Variants in RBFOX2 observed in about 807,000 individuals in gnomAD.
RBFOX2 encodes RNA binding protein fox-1 homolog 2.
Under a neutral mutation model 49.1 loss-of-function variants are expected in RBFOX2, and 10 were observed. That is an observed-to-expected ratio of 0.20 (90% confidence interval 0.13 to 0.35). The LOEUF (loss-of-function observed/expected upper bound fraction) is 0.35, where lower values mean the gene tolerates loss of function less well. RBFOX2 is among the 10% of genes least tolerant of loss of function. RBFOX2 has a pLI of 1.00. For synonymous variants in RBFOX2, 183 were observed against 187.4 expected, an observed-to-expected ratio of 0.98 and a Z score of 0.19; for missense variants, 323 against 486.9, an observed-to-expected ratio of 0.66 and a Z score of 3.17.
chr22:35,836,350 TA>T (rs1957661682), intron 1 of RBFOX2: 1 of 152,138 alleles, frequency 6.6e-6, no homozygotes, highest in Non-Finnish European at 1.5e-5. Context: ...AATTAAAGCA[TA>T]AAATACCCTC....
chr22:35,783,551 C>T (rs1236321417), intron 2 of RBFOX2, among the ~76,000 whole-genome samples: 1 of 151,904 alleles, frequency 6.6e-6, no homozygotes, highest in African/African-American at 2.4e-5. Flanking sequence ...TTTGGGGGGG[C>T]ACAGCGTGGA....
intron 3 of RBFOX2, among the ~76,000 whole-genome samples, chr22:35,781,060 C>G (rs1381378355): frequency 6.6e-6 from 1 of 152,148 alleles, no homozygotes; most frequent in Non-Finnish European, 1.5e-5. Flanking sequence ...CAATGGTTCC[C>G]AAACTTATGT....
At chr22:36,002,384 T>TA (rs1366089740) in intron 1 of RBFOX2, among the ~76,000 whole-genome samples, 1 of 151,874 alleles carries the variant, frequency 6.6e-6, no homozygotes, top group South Asian at 2.1e-4. Flanking sequence ...ATCATGATTT[T>TA]AAAAAAAACA....
At chr22:35,744,481 G>A (rs1223227993) in intron 11 of RBFOX2, among the ~76,000 whole-genome samples, 1 of 152,106 alleles carries the variant, frequency 6.6e-6, no homozygotes, top group Non-Finnish European at 1.5e-5. Flanking sequence ...AGAGTATGAC[G>A]ACATTTTATT....
At chr22:35,854,510 C>T (rs960040300) in intron 1 of RBFOX2, among the ~76,000 whole-genome samples, 9 of 151,448 alleles carry the variant, frequency 5.9e-5, no homozygotes, top group Non-Finnish European at 8.8e-5. Context: ...GGGAGAATCA[C>T]ATAAACCCAG....
chr22:35,749,236 G>C lies in RBFOX2; in HGVS notation c.888-2675C>G, dbSNP rs910890903. 5.3e-5 allele frequency among the ~76,000 whole-genome samples: 8 copies of C among 152,034 alleles called. No individual in the cohort carries two copies. The highest frequency in any genetic ancestry group is 1.9e-4 in the African/African-American group (8 of 41,392). On this transcript the variant is annotated intron_variant, in intron 9 of 11. Coordinates refer to ENST00000405409, the Ensembl canonical transcript of RBFOX2. The surrounding 1 kb of genome is among the most constrained non-coding windows in gnomAD (Gnocchi z 4.1). ...TTTCAAGTGGAAGAAAACAGAACAG[G>C]GTTGGCAAATACTTTACTGAAAACA...
At chr22:35,877,960 C>CA (rs1288238536) in intron 1 of RBFOX2, among the ~76,000 whole-genome samples, 4 of 151,154 alleles carry the variant, frequency 2.6e-5, no homozygotes, top group Middle Eastern at 3.2e-3. Context: ...ATACACCAGA[C>CA]AAAAAACTCT....
chr22:35,861,975 C>T (rs7284754), intron 1 of RBFOX2, among the ~76,000 whole-genome samples: 70 of 152,266 alleles, frequency 4.6e-4, no homozygotes, highest in African/African-American at 1.7e-3. Context: ...TATACAGTAA[C>T]ATGGATGAAT....
intron 1 of RBFOX2, among the ~76,000 whole-genome samples, chr22:35,883,499 G>A (rs1011548529): frequency 5.3e-5 from 8 of 152,224 alleles, no homozygotes; most frequent in East Asian, 3.9e-4. Context: ...TCTTTAGACC[G>A]CCATTCTCCC....
At chr22:35,764,578 C>T (rs1940295144) in intron 6 of RBFOX2, among the ~76,000 whole-genome samples, 1 of 146,820 alleles carries the variant, frequency 6.8e-6, no homozygotes, top group African/African-American at 2.5e-5. Context: ...AAGCGAGACT[C>T]CGTCTCAAAA....
Position 35,825,981 on chromosome 22 carries a change from CAAAAAAAAAAAAA to C in RBFOX2, c.27+14198_27+14210del, listed in dbSNP as rs901630936. 1.8e-4 allele frequency among the ~76,000 whole-genome samples: 7 copies of C among 39,850 alleles called. No individual in the cohort carries two copies. The South Asian group carries it at 5.4e-3, about 30-fold the overall frequency. The allele number at this position is 39,850 out of a possible 152,430, so 26.1% of individuals were successfully genotyped here. A position where few individuals can be genotyped will look rare whatever the true frequency, so the allele number is the denominator to read the frequency against. ...TGGGCAAGACAGTGAGACTCCGCTT[CAAAAAAAAAAAAA>C]AAAAAAAAAGGAATTAACTAAGATC... On this transcript the variant is annotated intron_variant, in intron 1 of 11. Coordinates refer to ENST00000405409, the Ensembl canonical transcript of RBFOX2.
At chr22:35,948,616 T>C (rs2054578304) in intron 1 of RBFOX2, among the ~76,000 whole-genome samples, 1 of 152,010 alleles carries the variant, frequency 6.6e-6, no homozygotes, top group Non-Finnish European at 1.5e-5. Flanking sequence ...GTCCAGGAGG[T>C]GGAAGCTGCA....
chr22:36,020,186 G>A (rs2059189307), intron 1 of RBFOX2, among the ~76,000 whole-genome samples: 1 of 152,172 alleles, frequency 6.6e-6, no homozygotes, highest in African/African-American at 2.4e-5. Flanking sequence ...GGGAAAACTG[G>A]CTAGCCATAT....
chr22:35,882,550 T>C (rs1049409493), intron 1 of RBFOX2, among the ~76,000 whole-genome samples: 1 of 152,232 alleles, frequency 6.6e-6, no homozygotes, highest in Non-Finnish European at 1.5e-5. Context: ...ACAGCTTAAC[T>C]GTATGCTGAC....
At chr22:36,013,517 C>T (rs762044506) in intron 1 of RBFOX2, among the ~76,000 whole-genome samples, 2 of 152,052 alleles carry the variant, frequency 1.3e-5, no homozygotes, top group Non-Finnish European at 2.9e-5. Flanking sequence ...CAAGATCCCA[C>T]AGCTGTGAAG....
intron 1 of RBFOX2, among the ~76,000 whole-genome samples, chr22:35,814,219 G>A (rs1376041455): frequency 1.3e-5 from 2 of 152,030 alleles, no homozygotes; most frequent in African/African-American, 4.8e-5. Flanking sequence ...ATTGGTTCCA[G>A]GAACCTCCCA....
intron 1 of RBFOX2, chr22:35,994,062 A>G (rs992016245): frequency 2.0e-5 from 3 of 152,126 alleles, no homozygotes; most frequent in Non-Finnish European, 4.4e-5. Context: ...AGAAAGAAGC[A>G]CACCAGTATT....
At chr22:35,947,274 T>C (rs6000042) in intron 1 of RBFOX2, among the ~76,000 whole-genome samples, 1 of 152,110 alleles carries the variant, frequency 6.6e-6, no homozygotes, top group Admixed American at 6.5e-5. Context: ...AAACATTACT[T>C]ATGTGTTTGT....
chr22:35,758,448 A>G (rs1937570912), intron 9 of RBFOX2, among the ~76,000 whole-genome samples: 1 of 152,224 alleles, frequency 6.6e-6, no homozygotes, highest in Non-Finnish European at 1.5e-5. Context: ...CTCTTGGATT[A>G]CAACGGAAGA....
Sources: gnomAD v4.1 joint callset for allele counts (sites outside exome capture counted in the v4.1 genomes callset) on GRCh38, gnomAD v4.1.1 for gene constraint, Gnocchi (gnomAD v3.1) non-coding constraint, MANE v1.5 for transcripts, NCBI Gene and HGNC (gene_info 2026-07-23, HGNC 2026-07-21) for gene names.